The following ERGIC1 variants were observed in gnomAD, a reference collection of about 807,000 sequenced individuals.
The protein encoded by ERGIC1 is endoplasmic reticulum-Golgi intermediate compartment protein 1.
ERGIC1 carries 19 observed loss-of-function variants against 38.3 expected under a neutral mutation model. The observed-to-expected ratio is 0.50, with a 90% confidence interval of 0.35 to 0.73. The LOEUF is 0.73. Ranked by LOEUF, ERGIC1 falls within the 30% of genes least tolerant of loss-of-function variation. ERGIC1 has a pLI of 0.01. For missense variants in ERGIC1, 294 were observed against 389.2 expected (o/e 0.76, Z 2.06); for synonymous variants, 124 against 157.6 (o/e 0.79, Z 1.60).
chr5:172,893,187 GC>G (rs1762611028), intron 2 of ERGIC1, among the ~76,000 whole-genome samples: 2 of 152,054 alleles, frequency 1.3e-5, no homozygotes, highest in African/African-American at 4.8e-5. Flanking sequence ...CACTCTTGTT[GC>G]CCAGCCTGAA....
At chr5:172,872,834 AAAAAG>A (rs770599462) in intron 1 of ERGIC1, among the ~76,000 whole-genome samples, 1 of 152,100 alleles carries the variant, frequency 6.6e-6, no homozygotes, top group African/African-American at 2.4e-5. Context: ...GAAAAAAAGA[AAAAAG>A]AAAAGAAAAA....
At chr5:172,943,483 A>C (rs570109800) in intron 9 of ERGIC1, among the ~76,000 whole-genome samples, 1 of 151,944 alleles carries the variant, frequency 6.6e-6, no homozygotes, top group African/African-American at 2.4e-5. Flanking sequence ...TGAGACTCCA[A>C]TTCATTATTT....
intron 5 of ERGIC1, chr5:172,921,578 CCCT>C (rs879501790): frequency 2.0e-5 from 3 of 152,236 alleles, no homozygotes; most frequent in Admixed American, 2.0e-4. Flanking sequence ...AAGCTATATT[CCCT>C]CCTCGGACAC....
rs575451378 is a variant in ERGIC1, at chr5:172,941,548, C to G, written c.765+6238C>G. 2.6e-5 allele frequency among the ~76,000 whole-genome samples: 4 copies of G among 152,298 alleles called. No individual in the cohort carries two copies. In the South Asian group the frequency reaches 8.3e-4, roughly 32 times the overall value. ...ACATCCCCTACCCCCAGCACTGTCT[C>G]AGGAGCCTCTATCTTCCAAAACAAG... On this transcript the variant is annotated intron_variant, in intron 9 of 9. Coordinates refer to ENST00000393784, the MANE Select transcript of ERGIC1 (RefSeq NM_001031711.3).
intron 1 of ERGIC1, among the ~76,000 whole-genome samples, chr5:172,840,848 A>G (rs1436759680): frequency 6.6e-6 from 1 of 152,238 alleles, no homozygotes; most frequent in Non-Finnish European, 1.5e-5. Flanking sequence ...CAGGTGATTC[A>G]TGTATTCATT....
intron 3 of ERGIC1, among the ~76,000 whole-genome samples, chr5:172,908,873 A>T (rs1183314007): frequency 1.3e-5 from 2 of 152,150 alleles, no homozygotes; most frequent in South Asian, 4.1e-4. Flanking sequence ...GGCATCAGGG[A>T]ATTCCTGGCT....
intron 2 of ERGIC1, 83 bp from the exon 3 acceptor site, chr5:172,896,919 C>T (rs541453207): frequency 7.8e-7 from 1 of 1,286,230 alleles, no homozygotes; most frequent in Non-Finnish European, 1.1e-6. Flanking sequence ...GTCCTGGGGC[C>T]TCTTTCCTCT....
At chr5:172,895,624 T>C (rs1030976980) in intron 2 of ERGIC1, among the ~76,000 whole-genome samples, 1 of 151,940 alleles carries the variant, frequency 6.6e-6, no homozygotes, top group South Asian at 2.1e-4. Context: ...GTGGGACATG[T>C]TCAAGCAGAG....
chr5:172,894,264 C>T (rs1201978437), intron 2 of ERGIC1, among the ~76,000 whole-genome samples: 3 of 136,532 alleles, frequency 2.2e-5, no homozygotes, highest in East Asian at 2.2e-4. Context: ...GGCACGATCT[C>T]GGCTCACTGC....
intron 2 of ERGIC1, 36 bp downstream of exon 2, chr5:172,888,796 A>G: frequency 1.3e-6 from 2 of 1,571,830 alleles, no homozygotes; most frequent in Admixed American, 1.7e-5. Flanking sequence ...CCTCTGCCCC[A>G]TCTCCACTGC....
rs1286663327 is a variant in ERGIC1, at chr5:172,935,180, TA to T, written c.643-7del. The T allele has an allele frequency of 2.5e-6, 4 of 1,613,958 alleles. No homozygotes were observed. The South Asian group carries it at 4.4e-5, about 18-fold the overall frequency. ...TTGTACTTCTGATTCTTATATCCTC[TA>T]CCCCAGGAATACGTCGCCTACAGCC... On this transcript the variant is annotated splice_region_variant and splice_polypyrimidine_tract_variant and intron_variant, in intron 8 of 9. Coordinates refer to ENST00000393784, the MANE Select transcript of ERGIC1 (RefSeq NM_001031711.3).
intron 9 of ERGIC1, among the ~76,000 whole-genome samples, chr5:172,947,474 G>C (rs1023543272): frequency 6.6e-6 from 1 of 152,214 alleles, no homozygotes. Flanking sequence ...GCCCAGCTGA[G>C]TTATCTCAGC....
At chr5:172,884,290 GT>G (rs1378805070) in intron 1 of ERGIC1, among the ~76,000 whole-genome samples, 1 of 119,034 alleles carries the variant, frequency 8.4e-6, no homozygotes, top group African/African-American at 3.3e-5. Context: ...GCCTCACCCT[GT>G]AGCCCAGGCT....
chr5:172,909,499 G>A (rs989088333), intron 3 of ERGIC1, among the ~76,000 whole-genome samples, 168 bp from the exon 4 acceptor site: 1 of 152,114 alleles, frequency 6.6e-6, no homozygotes, highest in African/African-American at 2.4e-5. Context: ...CACTTGAAGA[G>A]TGCAGCCTAG....
chr5:172,868,246 G>C (rs930084483), intron 1 of ERGIC1, among the ~76,000 whole-genome samples: 2 of 152,218 alleles, frequency 1.3e-5, no homozygotes, highest in East Asian at 3.8e-4. Context: ...TGGCGGTTCA[G>C]AGAAAAATCT....
At chr5:172,855,885 G>A (rs1057459414) in intron 1 of ERGIC1, among the ~76,000 whole-genome samples, 18 of 152,374 alleles carry the variant, frequency 1.2e-4, no homozygotes, top group African/African-American at 3.8e-4. Context: ...GCAGCCCGGC[G>A]GGGGCCAGGC....
chr5:172,899,377 G>A (rs577602354), intron 3 of ERGIC1, among the ~76,000 whole-genome samples: 2 of 148,872 alleles, frequency 1.3e-5, no homozygotes, highest in South Asian at 4.3e-4. Flanking sequence ...TAGTGCAGTG[G>A]CGTGATCTCG....
chr5:172,858,647 T>C (rs565822162), intron 1 of ERGIC1, among the ~76,000 whole-genome samples: 39 of 152,338 alleles, frequency 2.6e-4, no homozygotes, highest in African/African-American at 8.4e-4. Flanking sequence ...AGGCCGCTTC[T>C]GAGGACACGA....
At chr5:172,947,571 G>A (rs976088680) in intron 9 of ERGIC1, among the ~76,000 whole-genome samples, 2 of 152,198 alleles carry the variant, frequency 1.3e-5, no homozygotes, top group African/African-American at 4.8e-5. Context: ...CAACAGATGC[G>A]GGGTGATGGG....
Sources: allele counts gnomAD v4.1 joint callset (sites outside exome capture counted in the v4.1 genomes callset), GRCh38; gene constraint gnomAD v4.1.1; transcripts MANE v1.5; gene names NCBI Gene and HGNC (gene_info 2026-07-23, HGNC 2026-07-21).